The following C12orf50 variants were observed in gnomAD, a reference collection of about 807,000 sequenced individuals.
The protein encoded by C12orf50 is zinc finger CCCH-type containing 11D.
C12orf50 carries 35 observed loss-of-function variants against 61.6 expected under a neutral mutation model. The ratio of observed to expected loss-of-function variants is 0.57; its 90% CI spans 0.43 to 0.75. The LOEUF (loss-of-function observed/expected upper bound fraction) is 0.75. Among genes scored for constraint, C12orf50 ranks in the 30% least tolerant of loss-of-function variants. The pLI is 0.00. For synonymous variants in C12orf50, 178 were observed against 161.5 expected (o/e 1.10, Z -0.77); for missense variants, 475 against 488.5 (o/e 0.97, Z 0.26).
At chr12:87,986,077 T>C (rs759348178) in intron 10 of C12orf50, 24 bp from the exon 11 acceptor site, 3 of 1,605,366 alleles carry the variant, frequency 1.9e-6, no homozygotes, top group Non-Finnish European at 2.6e-6. Flanking sequence ...TGGGAGGGAG[T>C]GAGGAATAAA....
In C12orf50 at chr12:87,987,909, G is replaced by T. The variant is rs112656239; in HGVS notation, c.758C>A (p.Thr253Lys). ...ATTCTCAGTAGCATTTAATACATGC[G>T]TTGTAGGTACTAGTCGGGTAGTTAG... ...HSLTTRLVPT[T>K]HVLNATENIS... Residue 253 changes from threonine (T) to lysine (K), a missense_variant, in exon 9 of 13, where the codon ACG (threonine) becomes AAG (lysine). Coordinates refer to ENST00000298699, the MANE Select transcript of C12orf50 (RefSeq NM_152589.3). 6.2e-7 allele frequency: 1 copy of T among 1,611,954 alleles called. No homozygotes were observed. The highest frequency in any genetic ancestry group is 8.5e-7 in the Non-Finnish European group (1 of 1,178,704).
chr12:87,982,154 A>G (rs1214427790), intron 12 of C12orf50, among the ~76,000 whole-genome samples: 1 of 152,162 alleles, frequency 6.6e-6, no homozygotes, highest in South Asian at 2.1e-4. Flanking sequence ...AGAAAAGGCT[A>G]TAGAGCTCAA....
At position 87,996,648 on chromosome 12, in the gene C12orf50, T is replaced by C; in HGVS notation, c.290-2A>G. 1.3e-6 allele frequency: 2 copies of C among 1,590,842 alleles called. No homozygotes were observed. Among genetic ancestry groups the C allele is most frequent in the Non-Finnish European group, 1.7e-6 (2 of 1,163,442 alleles). ...TCTTTGTCCATAAACTAGAAGCATC[T>C]ATAGGATATAGATTTTTTAAATTAA... On this transcript the variant is annotated splice_acceptor_variant, in intron 4 of 12. Coordinates refer to ENST00000298699, the MANE Select transcript of C12orf50 (RefSeq NM_152589.3). LOFTEE classifies it high-confidence loss of function.
chr12:88,019,949 A>G (rs1175518699), intron 3 of C12orf50, among the ~76,000 whole-genome samples: 1 of 152,216 alleles, frequency 6.6e-6, no homozygotes, highest in African/African-American at 2.4e-5. Flanking sequence ...TAAACTGCAT[A>G]AGTGAAGGAT....
intron 3 of C12orf50, among the ~76,000 whole-genome samples, chr12:88,025,433 G>C (rs1416410239): frequency 1.3e-5 from 2 of 152,114 alleles, no homozygotes; most frequent in African/African-American, 4.8e-5. Flanking sequence ...TTTAAGGAGA[G>C]GGAAGGAGGT....
chr12:88,010,254 C>A (rs73207047), intron 3 of C12orf50, among the ~76,000 whole-genome samples: 9,606 of 151,922 alleles, frequency 0.063, 331 homozygotes, highest in African/African-American at 0.079. Flanking sequence ...TGAACAAGTT[C>A]TATTATTTTG....
At chr12:88,026,923 C>A (rs759837672) in intron 2 of C12orf50, 28 bp downstream of exon 2, 11 of 1,598,850 alleles carry the variant, frequency 6.9e-6, no homozygotes, top group Non-Finnish European at 9.4e-6. Flanking sequence ...TACTTTTTGA[C>A]AAAAATGATG....
At chr12:87,996,333 A>G (rs367586637) in intron 6 of C12orf50, 41 bp downstream of exon 6, 43 of 1,292,392 alleles carry the variant, frequency 3.3e-5, no homozygotes, top group Non-Finnish European at 4.7e-5. Flanking sequence ...CACCAAGTAT[A>G]TGTTATAGAT....
intron 3 of C12orf50, among the ~76,000 whole-genome samples, chr12:88,000,854 A>T (rs2031626101): frequency 6.6e-6 from 1 of 151,934 alleles, no homozygotes; most frequent in African/African-American, 2.4e-5. Flanking sequence ...GTAAAGAAAC[A>T]CAATCCATTA....
intron 7 of C12orf50, among the ~76,000 whole-genome samples, chr12:87,994,147 C>T (rs1038017483): frequency 6.6e-5 from 10 of 151,736 alleles, no homozygotes; most frequent in Non-Finnish European, 1.3e-4. Flanking sequence ...TTGCAGTGAG[C>T]CGAGATCGCA....
chr12:87,998,332 T>A, intron 3 of C12orf50, 142 bp from the exon 4 acceptor site: 1 of 562,496 alleles, frequency 1.8e-6, no homozygotes, highest in Non-Finnish European at 2.8e-6. Context: ...ATTGTGTTTC[T>A]ACACACTAGC....
intron 4 of C12orf50, among the ~76,000 whole-genome samples, chr12:87,997,019 G>A (rs951464141): frequency 7.2e-5 from 11 of 152,126 alleles, no homozygotes; most frequent in South Asian, 2.1e-4. Flanking sequence ...ATGGTGTCCC[G>A]TAGTCCATAG....
intron 3 of C12orf50, among the ~76,000 whole-genome samples, chr12:88,025,445 T>A (rs561837172): frequency 1.3e-5 from 2 of 151,996 alleles, no homozygotes; most frequent in African/African-American, 4.8e-5. Flanking sequence ...GAAGGAGGTA[T>A]AAAAAGCAGT....
chr12:88,005,904 TTTTTTTGG>T (rs2031848232), intron 3 of C12orf50, among the ~76,000 whole-genome samples: 3 of 147,370 alleles, frequency 2.0e-5, no homozygotes, highest in South Asian at 2.1e-4. Context: ...TGTTTTTTTG[TTTTTTTGG>T]TTTTTTTTTT....
chr12:87,996,430 G>T lies in C12orf50; in HGVS notation c.425C>A (p.Pro142His), dbSNP rs758354125. The T allele has an allele frequency of 2.5e-6, 4 of 1,613,342 alleles. No homozygotes were observed. The highest frequency in any genetic ancestry group is 1.7e-5 in the Admixed American group (1 of 59,986). ...CTTTTCTAACTGTTTTTCTGCTGTA[G>T]GTGTCATGCTTTTTGATGACAAAAT... The part of the protein sequence containing the change: ...PDILSSKSMT[P>H]TAEKQLEKPL... Residue 142 changes from proline (P) to histidine (H), a missense_variant, in exon 6 of 13, where the codon CCT (proline) becomes CAT (histidine). Pro to His is a moderately conservative substitution (Grantham distance 77). Transcript: ENST00000298699.
chr12:88,027,209 A>AT (rs1192450682), intron 1 of C12orf50, 139 bp from the exon 2 acceptor site: 10 of 904,576 alleles, frequency 1.1e-5, no homozygotes, highest in Non-Finnish European at 1.4e-5. Flanking sequence ...ATTTTAGGCC[A>AT]TAAGTCTAAA....
chr12:87,994,351 C>A (rs536459810), intron 7 of C12orf50, among the ~76,000 whole-genome samples: 2 of 151,276 alleles, frequency 1.3e-5, no homozygotes, highest in Non-Finnish European at 2.9e-5. Flanking sequence ...TGGAGTTGAG[C>A]CTACACACAG....
intron 1 of C12orf50, among the ~76,000 whole-genome samples, chr12:88,028,893 A>G (rs2032800156): frequency 6.6e-6 from 1 of 152,164 alleles, no homozygotes; most frequent in South Asian, 2.1e-4. Context: ...TTCTTCAGAG[A>G]AATTCAGTAT....
intron 3 of C12orf50, among the ~76,000 whole-genome samples, chr12:88,014,426 T>A (rs1344708296): frequency 6.6e-6 from 1 of 152,080 alleles, no homozygotes; most frequent in Non-Finnish European, 1.5e-5. Context: ...CTCAGCCTCC[T>A]GAGTAGCTGG....
Sources: gnomAD v4.1 joint callset for allele counts (sites outside exome capture counted in the v4.1 genomes callset) on GRCh38, gnomAD v4.1.1 for gene constraint, MANE v1.5 for transcripts, NCBI Gene and HGNC (gene_info 2026-07-23, HGNC 2026-07-21) for gene names.